The following NRXN1 variants were observed in gnomAD, a reference collection of about 807,000 sequenced individuals.
NRXN1 encodes the protein neurexin 1.
Under a neutral mutation model 150.9 loss-of-function variants are expected in NRXN1, and 39 were observed. The observed-to-expected ratio is 0.26, with a 90% confidence interval of 0.20 to 0.34. The LOEUF (loss-of-function observed/expected upper bound fraction) is 0.34. Among genes scored for constraint, NRXN1 ranks in the 10% least tolerant of loss-of-function variants. NRXN1 has a pLI of 1.00. For missense variants in NRXN1, 1,815 were observed against 1,949.9 expected (o/e 0.93, Z 1.30); for synonymous variants, 924 against 757.0 (o/e 1.22, Z -3.62).
intron 5 of NRXN1, among the ~76,000 whole-genome samples, chr2:50,700,660 T>C (rs1054182196): frequency 1.3e-5 from 2 of 152,144 alleles, no homozygotes; most frequent in Non-Finnish European, 1.5e-5. Context: ...CCACTGCATG[T>C]CACTTTTGTA....
intron 5 of NRXN1, among the ~76,000 whole-genome samples, chr2:50,782,063 T>G (rs1305869667): frequency 1.3e-5 from 2 of 152,200 alleles, no homozygotes; most frequent in Non-Finnish European, 2.9e-5. Flanking sequence ...TACAATTAAC[T>G]ACAAAATGTT....
At chr2:50,511,673 T>A (rs2092457289) in intron 12 of NRXN1, among the ~76,000 whole-genome samples, 1 of 152,180 alleles carries the variant, frequency 6.6e-6, no homozygotes, top group Admixed American at 6.5e-5. Flanking sequence ...GTCTCTAAGA[T>A]TAACTCCTAA....
intron 5 of NRXN1, among the ~76,000 whole-genome samples, chr2:50,881,054 T>G (rs987230884): frequency 2.0e-5 from 3 of 151,984 alleles, no homozygotes; most frequent in African/African-American, 7.2e-5. Context: ...ATCAACCATA[T>G]GAATTTATTA....
At chr2:50,949,404 G>A (rs1690934174) in intron 2 of NRXN1, among the ~76,000 whole-genome samples, 1 of 151,808 alleles carries the variant, frequency 6.6e-6, no homozygotes, top group South Asian at 2.1e-4. Flanking sequence ...AGACTTGGCT[G>A]AACAGTCTAC....
At chr2:50,657,021 A>G (rs1249657829) in intron 5 of NRXN1, among the ~76,000 whole-genome samples, 1 of 152,026 alleles carries the variant, frequency 6.6e-6, no homozygotes, top group Non-Finnish European at 1.5e-5. Context: ...TCTTAACTCA[A>G]TAAAAACTCT....
intron 17 of NRXN1, among the ~76,000 whole-genome samples, chr2:50,295,402 T>C (rs886840358): frequency 6.6e-6 from 1 of 152,182 alleles, no homozygotes; most frequent in African/African-American, 2.4e-5. Context: ...GTTTTCTATT[T>C]TTCTTCTACT....
chr2:50,408,220 C>T (rs1442988510), intron 17 of NRXN1, among the ~76,000 whole-genome samples: 2 of 152,140 alleles, frequency 1.3e-5, no homozygotes, highest in Non-Finnish European at 2.9e-5. Flanking sequence ...GTGAAGAATG[C>T]AAATCTGAGT....
chr2:50,682,913 A>G (rs1045235360), intron 5 of NRXN1, among the ~76,000 whole-genome samples: 5 of 152,286 alleles, frequency 3.3e-5, no homozygotes, highest in African/African-American at 1.2e-4. Context: ...CACATAACAC[A>G]TTTGTATGCA....
intron 21 of NRXN1, among the ~76,000 whole-genome samples, chr2:49,949,123 G>A (rs1176110163): frequency 6.6e-6 from 1 of 151,946 alleles, no homozygotes; most frequent in Non-Finnish European, 1.5e-5. Context: ...ATATTTTGTA[G>A]GGTTTGAGAA....
At chr2:50,047,145 A>T (rs905876514) in intron 21 of NRXN1, among the ~76,000 whole-genome samples, 1 of 152,116 alleles carries the variant, frequency 6.6e-6, no homozygotes, top group South Asian at 2.1e-4. Context: ...GGAGGTGATG[A>T]GATTCTGAAT....
chr2:50,511,565 A>G (rs998833318), intron 12 of NRXN1, among the ~76,000 whole-genome samples: 5 of 152,192 alleles, frequency 3.3e-5, no homozygotes, highest in African/African-American at 9.7e-5. Flanking sequence ...AAACCTATTG[A>G]TAACAGATGG....
intron 17 of NRXN1, among the ~76,000 whole-genome samples, chr2:50,375,995 TA>T (rs1469331370): frequency 6.6e-6 from 1 of 151,768 alleles, no homozygotes; most frequent in African/African-American, 2.4e-5. Flanking sequence ...AAATATTCTC[TA>T]CTTGGACCCT....
intron 2 of NRXN1, among the ~76,000 whole-genome samples, chr2:51,003,423 G>C (rs894745891): frequency 6.6e-6 from 1 of 151,942 alleles, no homozygotes; most frequent in Non-Finnish European, 1.5e-5. Flanking sequence ...AATGACTAGA[G>C]ATAAATTATG....
At chr2:50,813,736 T>A (rs1287004547) in intron 5 of NRXN1, among the ~76,000 whole-genome samples, 1 of 152,144 alleles carries the variant, frequency 6.6e-6, no homozygotes, top group Non-Finnish European at 1.5e-5. Context: ...TGTCCTGAAA[T>A]TGGTTTTAAT....
intron 5 of NRXN1, among the ~76,000 whole-genome samples, chr2:50,884,222 T>G (rs185103525): frequency 6.6e-6 from 1 of 151,922 alleles, no homozygotes; most frequent in East Asian, 1.9e-4. Context: ...GACTCCTATC[T>G]TATCATTAGA....
At chr2:51,025,297 T>C (rs1293572033) in intron 2 of NRXN1, among the ~76,000 whole-genome samples, 4 of 152,208 alleles carry the variant, frequency 2.6e-5, no homozygotes, top group Non-Finnish European at 5.9e-5. Flanking sequence ...TGTTCAATTA[T>C]GCATCTTGGT....
intron 12 of NRXN1, chr2:50,526,783 G>T (rs1026415066): frequency 1.3e-5 from 2 of 152,150 alleles, no homozygotes; most frequent in African/African-American, 4.8e-5. Context: ...TACACTGGAG[G>T]CTCACAATCA....
chr2:50,219,246 C>T (rs991444756), intron 18 of NRXN1, among the ~76,000 whole-genome samples: 7 of 151,764 alleles, frequency 4.6e-5, no homozygotes, highest in Admixed American at 6.6e-5. Context: ...TCTGTGAGTA[C>T]ACTACTTCTA....
Position 50,053,403 on chromosome 2 carries a change from G to T in NRXN1, c.3996C>A (p.Ser1332=). ...TGGCTGTTGACTCAGTTGTCATAGAGGAAGGCACTTCACCAACCAGTCTCA... is the reference window on the plus strand; with the variant it reads ...TGGCTGTTGACTCAGTTGTCATAGATGAAGGCACTTCACCAACCAGTCTCA... ...GNVRLVGEVP[S]SMTTESTATA... Residue 1332 remains serine (S), a synonymous_variant, in exon 21 of 23, where the codon TCC becomes TCA. Coordinates refer to ENST00000401669, the MANE Select transcript of NRXN1 (RefSeq NM_001330078.2). 6.2e-7 allele frequency: 1 copy of T among 1,614,000 alleles called. No homozygotes were observed. Among genetic ancestry groups the T allele is most frequent in the South Asian group, 1.1e-5 (1 of 91,080 alleles).
Sources: gnomAD v4.1 joint callset for allele counts (sites outside exome capture counted in the v4.1 genomes callset) on GRCh38, gnomAD v4.1.1 for gene constraint, MANE v1.5 for transcripts, NCBI Gene and HGNC (gene_info 2026-07-23, HGNC 2026-07-21) for gene names.